FYN: variants seen among roughly 807,000 people sequenced by gnomAD.
FYN encodes tyrosine-protein kinase Fyn.
FYN carries 10 observed loss-of-function variants against 70.2 expected under a neutral mutation model. That is an observed-to-expected ratio of 0.14 (90% CI 0.09 to 0.24). The LOEUF (loss-of-function observed/expected upper bound fraction) is 0.24, where lower values mean the gene tolerates loss of function less well. Among genes scored for constraint, FYN ranks in the 10% least tolerant of loss-of-function variants. The probability of loss-of-function intolerance (pLI) is 1.00; values close to 1 mark genes in which losing one functional copy is unlikely to be tolerated. For missense variants in FYN, 319 were observed against 673.1 expected (o/e 0.47, Z 5.82); for synonymous variants, 236 against 248.6 (o/e 0.95, Z 0.48).
chr6:111,748,236 G>A (rs1802316964), intron 3 of FYN, among the ~76,000 whole-genome samples: 1 of 152,172 alleles, frequency 6.6e-6, no homozygotes, highest in South Asian at 2.1e-4. Flanking sequence ...CATTCTGATA[G>A]CAGTTATAGC....
intron 1 of FYN, 55 bp from the exon 2 acceptor site, chr6:111,846,684 G>A (rs1038179295): frequency 5.3e-5 from 21 of 398,456 alleles, no homozygotes; most frequent in African/African-American, 3.7e-4. Context: ...AGTACTCTCT[G>A]CCTACAAACC....
chr6:111,783,460 T>C (rs978742713), intron 2 of FYN, among the ~76,000 whole-genome samples: 2 of 152,226 alleles, frequency 1.3e-5, no homozygotes, highest in African/African-American at 2.4e-5. Flanking sequence ...ACCAGATATA[T>C]GGTATTCATT....
chr6:111,860,812 G>A (rs1456756725), intron 1 of FYN, among the ~76,000 whole-genome samples: 6 of 152,112 alleles, frequency 3.9e-5, no homozygotes, highest in African/African-American at 1.4e-4. Flanking sequence ...CAACCTCCAA[G>A]AGAACAACCT....
chr6:111,845,358 T>A (rs976394915), intron 2 of FYN, among the ~76,000 whole-genome samples: 1 of 152,214 alleles, frequency 6.6e-6, no homozygotes, highest in East Asian at 1.9e-4. Context: ...CCTGAGTGCA[T>A]GCGGATTCTA....
intron 1 of FYN, among the ~76,000 whole-genome samples, chr6:111,862,095 T>C (rs1022738821): frequency 1.3e-5 from 2 of 152,222 alleles, no homozygotes; most frequent in East Asian, 1.9e-4. Flanking sequence ...CCAACAATAC[T>C]GGCAGTCCAT....
intron 3 of FYN, among the ~76,000 whole-genome samples, chr6:111,774,701 C>G (rs1367765468): frequency 1.3e-5 from 2 of 151,966 alleles, no homozygotes; most frequent in African/African-American, 2.4e-5. Flanking sequence ...TTTTTCCCCC[C>G]CTACTTATTA....
intron 2 of FYN, among the ~76,000 whole-genome samples, chr6:111,794,972 G>A (rs769126614): frequency 1.6e-4 from 25 of 152,098 alleles, no homozygotes; most frequent in Non-Finnish European, 3.4e-4. Flanking sequence ...CACACTAACC[G>A]GGTAAGCCAA....
intron 2 of FYN, chr6:111,781,114 G>A (rs1162241836): frequency 1.3e-5 from 2 of 152,104 alleles, no homozygotes; most frequent in African/African-American, 4.8e-5. Context: ...ACCTCATAGG[G>A]TTGCTATGAG....
rs376958673 is a variant in FYN at position 111,764,666 on chromosome 6, CTAAT to C, written c.-12+15896_-12+15899del. 1.2e-4 allele frequency among the ~76,000 whole-genome samples: 19 copies of C among 152,170 alleles called. 1 individual carries two copies. In the East Asian group the frequency reaches 1.9e-3, roughly 15 times the overall value. ...AGTCAGGGGTAGGTTAACCAAGGAC[CTAAT>C]TAGAGTGCATTCTCCCACGTCACTT... On this transcript the variant is annotated intron_variant, in intron 3 of 13. Transcript: ENST00000354650.
At chr6:111,778,570 T>G (rs1009764665) in intron 3 of FYN, among the ~76,000 whole-genome samples, 1 of 151,998 alleles carries the variant, frequency 6.6e-6, no homozygotes, top group Non-Finnish European at 1.5e-5. Flanking sequence ...TTCTTTCTTT[T>G]GTTTTTGTTT....
At chr6:111,852,539 T>C (rs1263637396) in intron 1 of FYN, among the ~76,000 whole-genome samples, 2 of 152,170 alleles carry the variant, frequency 1.3e-5, no homozygotes, top group Non-Finnish European at 2.9e-5. Flanking sequence ...TCCTTTAAGA[T>C]AGATAAACTT....
intron 5 of FYN, among the ~76,000 whole-genome samples, chr6:111,710,199 T>C (rs1800302924): frequency 6.6e-6 from 1 of 152,198 alleles, no homozygotes; most frequent in African/African-American, 2.4e-5. Flanking sequence ...TATTGTTTTT[T>C]AATGCAAGAT....
rs189978593 is a variant in FYN at position 111,799,198 on chromosome 6, A to G, written c.-81-18563T>C. On this transcript the variant is annotated intron_variant, in intron 2 of 13. Transcript: ENST00000354650. ...CTAAAAAAGCAACGTTCAAAAATAAACAAGTTTTTAAAAATTTAACATTTC... is the reference window on the plus strand; with the variant it reads ...CTAAAAAAGCAACGTTCAAAAATAAGCAAGTTTTTAAAAATTTAACATTTC... Among the ~76,000 whole-genome samples the G allele has an allele frequency of 3.7e-4, 57 of 152,384 alleles. 1 individual carries two copies. Among genetic ancestry groups the G allele is most frequent in the African/African-American group, 1.3e-3 (55 of 41,592 alleles).
intron 4 of FYN, among the ~76,000 whole-genome samples, chr6:111,716,725 C>T (rs1800660661): frequency 6.7e-6 from 1 of 150,178 alleles, no homozygotes; most frequent in Middle Eastern, 3.5e-3. Flanking sequence ...GAAGAAAGAT[C>T]TTTTGTACCC....
At chr6:111,773,335 A>C (rs1363497366) in intron 3 of FYN, among the ~76,000 whole-genome samples, 1 of 41,922 alleles carries the variant, frequency 2.4e-5, no homozygotes, top group Non-Finnish European at 4.3e-5. Flanking sequence ...AGGGAGAGGG[A>C]AAGGGAGAGG....
intron 2 of FYN, among the ~76,000 whole-genome samples, chr6:111,837,250 C>G (rs1773214688): frequency 6.6e-6 from 1 of 152,146 alleles, no homozygotes; most frequent in Admixed American, 6.5e-5. Flanking sequence ...TGATGTACAT[C>G]AAACTCTCTT....
rs1410454124 is a variant in FYN at position 111,694,645 on chromosome 6, C to T, written c.1102G>A (p.Val368Met). The change falls in exon 11 of 14, where the codon GTG becomes ATG. Residue 368 changes from valine (V) to methionine (M), a missense_variant. This residue lies in a region of FYN where 64 missense variants were observed against 223.0 expected (regional missense o/e 0.29). Transcript: ENST00000354650. This position sits in a 1 kb window ranked among gnomAD's most constrained non-coding sequence, Gnocchi z 5.0. ...GGGCCTACCTGTGCTGCCATGTCCA[C>T]AAGATTTGGTAATTTCAGAGCTCTT... is the stretch of plus-strand genomic sequence containing the variant. ...EGRALKLPNL[V>M]DMAAQVAAGM... is the part of the protein sequence containing the mutation. 2 of 1,614,020 alleles carry T rather than the reference C, an allele frequency of 1.2e-6. No individual in the cohort carries two copies. Among genetic ancestry groups the T allele is most frequent in the Non-Finnish European group, 1.7e-6 (2 of 1,180,022 alleles).
At position 111,694,813 on chromosome 6, in the gene FYN, T is replaced by C; in HGVS notation, c.1043-109A>G. The C allele has an allele frequency of 4.3e-6, 4 of 923,896 alleles. No individual in the cohort carries two copies. The highest frequency in any genetic ancestry group is 6.6e-6 in the Non-Finnish European group (4 of 609,182). The allele number at this position is 923,896 out of a possible 1,614,324, so 57.2% of individuals were successfully genotyped here. A position where few individuals can be genotyped will look rare whatever the true frequency, so the allele number is the denominator to read the frequency against. On this transcript the variant is annotated intron_variant, in intron 10 of 13. Transcript: ENST00000354650. The surrounding 1 kb of genome is among the most constrained non-coding windows in gnomAD (Gnocchi z 5.0). ...GTAATAAGGTAGTCAAATGGAATAATGCCATCCACATGGGGGGACAAAAAG... is the reference window on the plus strand; with the variant it reads ...GTAATAAGGTAGTCAAATGGAATAACGCCATCCACATGGGGGGACAAAAAG...
At chr6:111,824,356 A>G (rs76882291) in intron 2 of FYN, among the ~76,000 whole-genome samples, 6,978 of 152,228 alleles carry the variant, frequency 0.046, 180 homozygotes, top group East Asian at 0.14. Context: ...TTTTCCTCCC[A>G]AGGTAACTAA....
Sources: gnomAD v4.1 joint callset for allele counts (sites outside exome capture counted in the v4.1 genomes callset) on GRCh38, gnomAD v4.1.1 for gene constraint, gnomAD v4.1.1 regional missense constraint, Gnocchi (gnomAD v3.1) non-coding constraint, MANE v1.5 for transcripts, NCBI Gene and HGNC (gene_info 2026-07-23, HGNC 2026-07-21) for gene names.